Variants in AK7 observed in about 807,000 individuals in gnomAD.
The protein encoded by AK7 is ATP-AMP transphosphorylase 7.
AK7 carries 78 observed loss-of-function variants against 96.6 expected under a neutral mutation model. That is an observed-to-expected ratio of 0.81 (90% CI 0.67 to 0.97). The LOEUF (loss-of-function observed/expected upper bound fraction) is 0.97. AK7 is among the 50% of genes least tolerant of loss of function. The pLI is 0.00. For missense variants in AK7, 855 were observed against 887.9 expected (o/e 0.96, Z 0.47); for synonymous variants, 302 against 317.2 (o/e 0.95, Z 0.51).
intron 5 of AK7, among the ~76,000 whole-genome samples, chr14:96,431,297 G>T (rs947331236): frequency 2.6e-5 from 4 of 152,116 alleles, no homozygotes; most frequent in South Asian, 4.2e-4. Flanking sequence ...CTTGTCTTCT[G>T]CTAGCTTTTG....
At chr14:96,403,287 A>T (rs1346092401) in intron 2 of AK7, among the ~76,000 whole-genome samples, 1 of 151,918 alleles carries the variant, frequency 6.6e-6, no homozygotes, top group Non-Finnish European at 1.5e-5. Context: ...ATGCATATAC[A>T]AGACGAGGAA....
intron 4 of AK7, among the ~76,000 whole-genome samples, chr14:96,410,885 T>C (rs6575585): frequency 0.81 from 123,896 of 152,098 alleles, 50,594 homozygotes; most frequent in East Asian, 0.96. Context: ...CCTGTAGTTT[T>C]AGCTACTCAG....
intron 12 of AK7, among the ~76,000 whole-genome samples, chr14:96,466,129 G>A (rs1435850913): frequency 6.6e-6 from 1 of 151,042 alleles, no homozygotes; most frequent in Non-Finnish European, 1.5e-5. Flanking sequence ...GTGCAGTGGT[G>A]CACATAGCTC....
chr14:96,392,163 A>G lies in AK7; in HGVS notation c.9A>G (p.Glu3=). ...CCAGCGCGGCTCCCACCATGGCTGAAGAAGAGGAAACTGCTGCTCTCACGG... is the reference window on the plus strand; with the variant it reads ...CCAGCGCGGCTCCCACCATGGCTGAGGAAGAGGAAACTGCTGCTCTCACGG... MA[E]EEETAALTEK... The change falls in exon 1 of 18, where the codon GAA becomes GAG. Residue 3 remains glutamate (E), a synonymous_variant. Coordinates refer to ENST00000267584, the MANE Select transcript of AK7 (RefSeq NM_152327.5). 1 of 1,613,078 alleles carries G rather than the reference A, an allele frequency of 6.2e-7. No individual in the cohort carries two copies. The highest frequency in any genetic ancestry group is 8.5e-7 in the Non-Finnish European group (1 of 1,179,138).
At chr14:96,408,322 G>T (rs1890841587) in intron 3 of AK7, among the ~76,000 whole-genome samples, 1 of 152,236 alleles carries the variant, frequency 6.6e-6, no homozygotes, top group Admixed American at 6.5e-5. Flanking sequence ...CACCCAGACA[G>T]CCTGGATTGG....
chr14:96,426,299 A>G (rs1267367531), intron 5 of AK7, among the ~76,000 whole-genome samples: 1 of 152,198 alleles, frequency 6.6e-6, no homozygotes, highest in Non-Finnish European at 1.5e-5. Context: ...AAGAAAACTA[A>G]TAACACTATG....
chr14:96,405,878 CT>C (rs1335276070), intron 3 of AK7, among the ~76,000 whole-genome samples: 2 of 152,142 alleles, frequency 1.3e-5, no homozygotes, highest in African/African-American at 4.8e-5. Flanking sequence ...CAAGGTGGTG[CT>C]TTTGTGATTC....
intron 4 of AK7, among the ~76,000 whole-genome samples, chr14:96,416,391 A>AG: frequency 6.6e-6 from 1 of 152,030 alleles, no homozygotes; most frequent in Non-Finnish European, 1.5e-5. Flanking sequence ...GTCTCAAAAA[A>AG]AAAAAAAGAG....
At chr14:96,465,448 G>C (rs922986825) in intron 12 of AK7, among the ~76,000 whole-genome samples, 6 of 150,624 alleles carry the variant, frequency 4.0e-5, no homozygotes, top group African/African-American at 1.5e-4. Flanking sequence ...GGGCGACAGA[G>C]CGAAGACTCC....
chr14:96,404,753 T>C lies in AK7; in HGVS notation c.295-4T>C, dbSNP rs1423394493. ...TGCAAATGGCTGTCAATTTTCTTTTTCAGGCCATCTCTCGAGAAGACCTTC... is the reference window on the plus strand; with the variant it reads ...TGCAAATGGCTGTCAATTTTCTTTTCCAGGCCATCTCTCGAGAAGACCTTC... On this transcript the variant is annotated splice_polypyrimidine_tract_variant and splice_region_variant and intron_variant, in intron 2 of 17. Coordinates refer to ENST00000267584, the MANE Select transcript of AK7 (RefSeq NM_152327.5). 4.4e-6 allele frequency: 7 copies of C among 1,587,646 alleles called. No individual in the cohort carries two copies. In the African/African-American group the frequency reaches 9.4e-5, roughly 21 times the overall value.
intron 12 of AK7, among the ~76,000 whole-genome samples, chr14:96,458,556 A>G (rs1229847112): frequency 6.6e-6 from 1 of 152,012 alleles, no homozygotes; most frequent in Non-Finnish European, 1.5e-5. Context: ...AGCCTAGGCA[A>G]CATGGTGAAC....
chr14:96,416,543 G>A (rs1891359916), intron 4 of AK7, among the ~76,000 whole-genome samples: 1 of 152,130 alleles, frequency 6.6e-6, no homozygotes, highest in Admixed American at 6.5e-5. Flanking sequence ...ATTATAACAA[G>A]ATAGTAGTAA....
chr14:96,479,884 A>G (rs1005552427), intron 15 of AK7, among the ~76,000 whole-genome samples: 1 of 151,024 alleles, frequency 6.6e-6, no homozygotes, highest in Non-Finnish European at 1.5e-5. Flanking sequence ...GCCCAATGGG[A>G]CAGCATTTGA....
At position 96,408,868 on chromosome 14, in the gene AK7, A is replaced by G. The variant is rs115583876; in HGVS notation, c.425A>G (p.His142Arg). Residue 142 changes from histidine (H) to arginine (R), a missense_variant, in exon 4 of 18, where the codon CAC becomes CGC. Coordinates refer to ENST00000267584, the MANE Select transcript of AK7 (RefSeq NM_152327.5). Reference sequence around the variant, plus strand: ...ACAGCACTCAGTGAAGAAGTCAGCCACTTTGAAAAGCGAAAGCTATTTATT... The same window carrying G: ...ACAGCACTCAGTGAAGAAGTCAGCCGCTTTGAAAAGCGAAAGCTATTTATT... ...AVSALSEEVS[H>R]FEKRKLFILL... The G allele has an allele frequency of 6.2e-7, 1 of 1,614,242 alleles. No homozygotes were observed. The highest frequency in any genetic ancestry group is 2.2e-5 in the East Asian group (1 of 44,888).
chr14:96,479,542 G>C (rs561719284), intron 15 of AK7, among the ~76,000 whole-genome samples: 1 of 151,876 alleles, frequency 6.6e-6, no homozygotes, highest in Admixed American at 6.6e-5. Context: ...GCCCATCCCC[G>C]TAGCTACCCA....
intron 3 of AK7, 103 bp from the exon 4 acceptor site, chr14:96,408,744 A>C: frequency 2.1e-6 from 2 of 949,374 alleles, no homozygotes; most frequent in Non-Finnish European, 3.3e-6. Context: ...AGGTAACAGC[A>C]CCCTGGTGTT....
chr14:96,444,218 TCTGCTCCATCCCTGGGG>T (rs1319471964), intron 7 of AK7, among the ~76,000 whole-genome samples: 1 of 152,134 alleles, frequency 6.6e-6, no homozygotes, highest in Admixed American at 6.6e-5. Flanking sequence ...AAACCCTGGA[TCTGCTCCATCCCTGGGG>T]ATGGAGGGGC....
intron 2 of AK7, among the ~76,000 whole-genome samples, chr14:96,401,918 A>G (rs1890431816): frequency 6.6e-6 from 1 of 152,004 alleles, no homozygotes; most frequent in African/African-American, 2.4e-5. Flanking sequence ...CCCTTTCCAC[A>G]TTTGGGTCTT....
chr14:96,415,064 G>A (rs1891252737), intron 4 of AK7, among the ~76,000 whole-genome samples: 1 of 151,846 alleles, frequency 6.6e-6, no homozygotes, highest in South Asian at 2.1e-4. Flanking sequence ...TGAAGATAAG[G>A]CTTTCAAGCA....
Sources: gnomAD v4.1 joint callset for allele counts (sites outside exome capture counted in the v4.1 genomes callset) on GRCh38, gnomAD v4.1.1 for gene constraint, MANE v1.5 for transcripts, NCBI Gene and HGNC (gene_info 2026-07-23, HGNC 2026-07-21) for gene names.